TPH2: variants seen among roughly 807,000 people sequenced by gnomAD.
The protein encoded by TPH2 is tryptophan hydroxylase 2.
A neutral mutation model predicts 59.1 loss-of-function variants in TPH2; 27 were observed. That is an observed-to-expected ratio of 0.46 (90% confidence interval 0.34 to 0.63). The LOEUF (loss-of-function observed/expected upper bound fraction) is 0.63. TPH2 is among the 30% of genes least tolerant of loss of function. The probability of loss-of-function intolerance (pLI) is 0.01; values close to 1 mark genes in which losing one functional copy is unlikely to be tolerated. For synonymous variants in TPH2, 220 were observed against 210.5 expected (o/e 1.05, Z -0.39); for missense variants, 523 against 588.3 (o/e 0.89, Z 1.15).
intron 8 of TPH2, among the ~76,000 whole-genome samples, chr12:72,010,050 GTTATTTTAT>G (rs1358537630): frequency 6.6e-6 from 1 of 152,164 alleles, no homozygotes; most frequent in African/African-American, 2.4e-5. Flanking sequence ...ATAAGTAGTA[GTTATTTTAT>G]TTTCTCCATT....
rs564010808 is a variant in TPH2 at position 71,982,013 on chromosome 12, G to A, written c.941+2926G>A. Among the ~76,000 whole-genome samples the A allele has an allele frequency of 5.1e-3, 285 of 55,716 alleles. 14 individuals carry two copies. Among genetic ancestry groups the A allele is most frequent in the African/African-American group, 0.018 (267 of 15,134 alleles). 36.6% of individuals were successfully genotyped at this position (55,716 alleles called of 152,430 possible). A position where few individuals can be genotyped will look rare whatever the true frequency, so the allele number is the denominator to read the frequency against. ...ATTTTTTGTGGGTTTCATATCATTCGTATTTTTTTTTTTTTTTTTAGACAG... is the reference window on the plus strand; with the variant it reads ...ATTTTTTGTGGGTTTCATATCATTCATATTTTTTTTTTTTTTTTTAGACAG... On this transcript the variant is annotated intron_variant, in intron 7 of 10. Transcript: ENST00000333850.
At chr12:72,012,826 C>T (rs1265605993) in intron 8 of TPH2, among the ~76,000 whole-genome samples, 1 of 151,878 alleles carries the variant, frequency 6.6e-6, no homozygotes, top group Non-Finnish European at 1.5e-5. Context: ...TGGAAAATAC[C>T]ATTAAAGGCT....
At chr12:72,022,347 T>C in intron 8 of TPH2, 52 bp from the exon 9 acceptor site, 1 of 1,342,360 alleles carries the variant, frequency 7.4e-7, no homozygotes, top group Non-Finnish European at 1.1e-6. Context: ...CATTTAATCC[T>C]ATCAAATAAC....
chr12:71,971,727 T>C (rs566632643), intron 5 of TPH2, among the ~76,000 whole-genome samples: 4 of 152,334 alleles, frequency 2.6e-5, no homozygotes, highest in African/African-American at 7.2e-5. Context: ...AACCAGTCAC[T>C]AGTACACTAC....
intron 9 of TPH2, among the ~76,000 whole-genome samples, chr12:72,030,782 A>G (rs1477010490): frequency 4.6e-5 from 7 of 152,060 alleles, no homozygotes; most frequent in African/African-American, 1.4e-4. Flanking sequence ...AATATCTCCC[A>G]ATGAATAGAC....
intron 7 of TPH2, among the ~76,000 whole-genome samples, chr12:71,990,598 G>A (rs150136165): frequency 4.6e-4 from 70 of 152,330 alleles, no homozygotes; most frequent in African/African-American, 1.5e-3. Flanking sequence ...GAGTTTCCAG[G>A]CACTTCAATT....
chr12:71,972,875 C>G (rs977626634), intron 6 of TPH2, among the ~76,000 whole-genome samples, 160 bp downstream of exon 6: 7 of 152,108 alleles, frequency 4.6e-5, no homozygotes. Flanking sequence ...CTGTGGGAAG[C>G]AGAGCAAGGG....
intron 6 of TPH2, among the ~76,000 whole-genome samples, 199 bp from the exon 7 acceptor site, chr12:71,978,753 C>T (rs1363286392): frequency 1.3e-5 from 2 of 152,044 alleles, no homozygotes; most frequent in African/African-American, 2.4e-5. Context: ...TCCTGGAAAC[C>T]GTCATTTGAG....
intron 2 of TPH2, among the ~76,000 whole-genome samples, chr12:71,943,358 T>C (rs2139177880): frequency 6.6e-6 from 1 of 152,290 alleles, no homozygotes; most frequent in South Asian, 2.1e-4. Context: ...GTGTATCATC[T>C]GGAGTGAGAA....
At chr12:71,950,703 C>T (rs1436016426) in intron 5 of TPH2, among the ~76,000 whole-genome samples, 1 of 152,150 alleles carries the variant, frequency 6.6e-6, no homozygotes, top group Non-Finnish European at 1.5e-5. Context: ...GGGAAAGATT[C>T]GTCCTACCCC....
chr12:71,987,340 G>A (rs1017723658), intron 7 of TPH2, among the ~76,000 whole-genome samples: 2 of 152,130 alleles, frequency 1.3e-5, no homozygotes, highest in East Asian at 3.9e-4. Context: ...TATGTGCCAG[G>A]CTTTTTTAAG....
chr12:72,019,741 A>T (rs1298775592), intron 8 of TPH2, among the ~76,000 whole-genome samples: 1 of 152,184 alleles, frequency 6.6e-6, no homozygotes, highest in South Asian at 2.1e-4. Flanking sequence ...TGTTCATTGC[A>T]TATCCTTAGC....
intron 5 of TPH2, among the ~76,000 whole-genome samples, chr12:71,953,852 C>T (rs1566118620): frequency 1.3e-5 from 2 of 152,000 alleles, no homozygotes; most frequent in Non-Finnish European, 2.9e-5. Context: ...AAGAAGAAGT[C>T]AAACATGTGG....
intron 5 of TPH2, among the ~76,000 whole-genome samples, chr12:71,953,535 C>T (rs555088145): frequency 1.2e-4 from 19 of 152,210 alleles, no homozygotes; most frequent in African/African-American, 2.9e-4. Context: ...GAAACAGAGA[C>T]GCAATTTCTA....
chr12:71,981,962 C>T (rs933011261), intron 7 of TPH2, among the ~76,000 whole-genome samples: 23 of 146,908 alleles, frequency 1.6e-4, no homozygotes, highest in African/African-American at 5.8e-4. Flanking sequence ...GATTCACTCA[C>T]TTGGGGTTGT....
intron 7 of TPH2, among the ~76,000 whole-genome samples, chr12:71,983,231 G>C (rs956686876): frequency 3.9e-5 from 6 of 152,160 alleles, no homozygotes; most frequent in African/African-American, 1.4e-4. Context: ...TCACTGATCT[G>C]CTAGAAGAGG....
chr12:72,015,157 C>T (rs913159424), intron 8 of TPH2, among the ~76,000 whole-genome samples: 1 of 152,042 alleles, frequency 6.6e-6, no homozygotes, highest in African/African-American at 2.4e-5. Flanking sequence ...TAAGTGGGAG[C>T]AGACCTTGAG....
In TPH2 at chr12:71,996,952, G is replaced by A. The variant is rs965796650; in HGVS notation, c.1068+2387G>A. Among the ~76,000 whole-genome samples, 39 of 151,268 alleles carry A rather than the reference G, an allele frequency of 2.6e-4. 1 individual carries two copies. The highest frequency in any genetic ancestry group is 9.4e-4 in the African/African-American group (39 of 41,338). ...TATATCGACAAAACAGATTTTTTAAGAGGATAGTTTGTACTGAATCTTTAA... is the reference window on the plus strand; with the variant it reads ...TATATCGACAAAACAGATTTTTTAAAAGGATAGTTTGTACTGAATCTTTAA... On this transcript the variant is annotated intron_variant, in intron 8 of 10. Coordinates refer to ENST00000333850, the MANE Select transcript of TPH2 (RefSeq NM_173353.4).
intron 8 of TPH2, among the ~76,000 whole-genome samples, chr12:72,006,028 G>C (rs1872945547): frequency 6.6e-6 from 1 of 152,118 alleles, no homozygotes; most frequent in Non-Finnish European, 1.5e-5. Context: ...GGTGTAAAAG[G>C]GAAACTGGAA....
Sources: gnomAD v4.1 joint callset for allele counts (sites outside exome capture counted in the v4.1 genomes callset) on GRCh38, gnomAD v4.1.1 for gene constraint, MANE v1.5 for transcripts, NCBI Gene and HGNC (gene_info 2026-07-23, HGNC 2026-07-21) for gene names.